The following SLCO4C1 variants were observed in gnomAD, a reference collection of about 807,000 sequenced individuals.
SLCO4C1 encodes organic anion transporter M1.
A neutral mutation model predicts 72.1 loss-of-function variants in SLCO4C1; 58 were observed. That is an observed-to-expected ratio of 0.80 (90% confidence interval 0.65 to 1.00). The LOEUF (loss-of-function observed/expected upper bound fraction) is 1.00. Ranked by LOEUF, SLCO4C1 falls within the 50% of genes least tolerant of loss-of-function variation. The pLI is 0.00. For synonymous variants in SLCO4C1, 297 were observed against 312.5 expected, an observed-to-expected ratio of 0.95 and a Z score of 0.52; for missense variants, 898 against 857.9, an observed-to-expected ratio of 1.05 and a Z score of -0.58.
chr5:102,244,269 T>C (rs1237340500), intron 10 of SLCO4C1, among the ~76,000 whole-genome samples: 1 of 152,174 alleles, frequency 6.6e-6, no homozygotes, highest in African/African-American at 2.4e-5. Flanking sequence ...AGTCCTTTAG[T>C]AGCAGAACTG....
rs149093798 is a variant in SLCO4C1, at chr5:102,286,856, T to G, written c.619+4487A>C. 2.5e-4 allele frequency among the ~76,000 whole-genome samples: 38 copies of G among 152,266 alleles called. No individual in the cohort carries two copies. In the East Asian group the frequency reaches 4.4e-3, roughly 18 times the overall value. ...TTCTTAACTTTTGTTCTTAACGTTCTTTTGTGTTATTCTCACACCTGTAGA... is the reference window on the plus strand; with the variant it reads ...TTCTTAACTTTTGTTCTTAACGTTCGTTTGTGTTATTCTCACACCTGTAGA... On this transcript the variant is annotated intron_variant, in intron 2 of 12. Coordinates refer to ENST00000310954, the MANE Select transcript of SLCO4C1 (RefSeq NM_180991.5).
At chr5:102,251,214 C>T (rs1580244228) in intron 8 of SLCO4C1, among the ~76,000 whole-genome samples, 1 of 151,952 alleles carries the variant, frequency 6.6e-6, no homozygotes, top group African/African-American at 2.4e-5. Flanking sequence ...AAAAGGTAAT[C>T]GTTAAGGTAT....
chr5:102,283,332 T>C (rs1442684561), intron 2 of SLCO4C1, among the ~76,000 whole-genome samples: 1 of 152,048 alleles, frequency 6.6e-6, no homozygotes, highest in Non-Finnish European at 1.5e-5. Flanking sequence ...CAAAGAAACT[T>C]ATCTCCAGGA....
Position 102,233,992 on chromosome 5 carries a change from A to G in SLCO4C1, c.*2866T>C, listed in dbSNP as rs889560335. 3 of 152,164 alleles carry G rather than the reference A, an allele frequency of 2.0e-5. No individual in the cohort carries two copies. Among genetic ancestry groups the G allele is most frequent in the Non-Finnish European group, 1.5e-5 (1 of 67,972 alleles). The allele number at this position is 152,164 out of a possible 1,614,324, so 9.4% of individuals were successfully genotyped here. The stretch of plus-strand genomic sequence containing the variant: ...ATAAGCTCAAACACGACAATTTTGT[A>G]TAAACATTCTGATTTAATAAATGGT... On this transcript the variant is annotated 3_prime_UTR_variant, in exon 13 of 13. Transcript: ENST00000310954.
At position 102,295,953 on chromosome 5, in the gene SLCO4C1, G is replaced by C. The variant is rs199917334; in HGVS notation, c.310C>G (p.Pro104Ala). The change falls in exon 1 of 13, where the codon CCT (proline) becomes GCT (alanine). Residue 104 changes from proline (P) to alanine (A), a missense_variant. Pro to Ala is a conservative substitution (Grantham distance 27, BLOSUM62 -1). Coordinates refer to ENST00000310954, the MANE Select transcript of SLCO4C1 (RefSeq NM_180991.5). Reference protein sequence around the residue: ...HPQCLQRCNTPGGFLLHYCLL... With the variant: ...HPQCLQRCNTAGGFLLHYCLL... ...CAGTAGTGAAGCAGAAAGCCTCCAG[G>C]TGTGTTGCAGCGCTGGAGACATTGA... The C allele has an allele frequency of 6.2e-7, 1 of 1,614,262 alleles. No homozygotes were observed. Among genetic ancestry groups the C allele is most frequent in the East Asian group, 2.2e-5 (1 of 44,882 alleles).
chr5:102,268,425 C>A (rs1749085971), intron 3 of SLCO4C1, among the ~76,000 whole-genome samples: 1 of 152,032 alleles, frequency 6.6e-6, no homozygotes, highest in Admixed American at 6.6e-5. Flanking sequence ...TACTGCCACA[C>A]CCTTTTGGTT....
intron 3 of SLCO4C1, among the ~76,000 whole-genome samples, chr5:102,269,070 AC>A (rs1749100996): frequency 6.6e-6 from 1 of 151,824 alleles, no homozygotes; most frequent in Non-Finnish European, 1.5e-5. Flanking sequence ...ATGTGACTTG[AC>A]GCTCTTCTTT....
intron 2 of SLCO4C1, among the ~76,000 whole-genome samples, chr5:102,282,369 A>G (rs1019533724): frequency 1.3e-5 from 2 of 151,986 alleles, no homozygotes; most frequent in African/African-American, 4.8e-5. Context: ...AAACAGTACG[A>G]CAATTCCGAA....
At chr5:102,272,738 T>C (rs1344027721) in intron 2 of SLCO4C1, among the ~76,000 whole-genome samples, 2 of 151,444 alleles carry the variant, frequency 1.3e-5, no homozygotes, top group Admixed American at 1.3e-4. Flanking sequence ...GGTGGATCAC[T>C]TGAGGTCAGG....
At chr5:102,244,110 T>G (rs776649567) in intron 10 of SLCO4C1, among the ~76,000 whole-genome samples, 2 of 151,942 alleles carry the variant, frequency 1.3e-5, no homozygotes, top group African/African-American at 4.8e-5. Flanking sequence ...TCACTTGAAC[T>G]TGGGAGGCAG....
intron 3 of SLCO4C1, among the ~76,000 whole-genome samples, 164 bp from the exon 4 acceptor site, chr5:102,263,944 T>G (rs1252889296): frequency 6.6e-6 from 1 of 152,088 alleles, no homozygotes; most frequent in Non-Finnish European, 1.5e-5. Context: ...GATAGTCAAG[T>G]CAAAAATCCT....
chr5:102,239,128 G>T, intron 12 of SLCO4C1, 123 bp downstream of exon 12: 2 of 806,364 alleles, frequency 2.5e-6, no homozygotes, highest in Non-Finnish European at 3.7e-6. Flanking sequence ...GAAGACTACT[G>T]GATGGTTCAA....
intron 8 of SLCO4C1, among the ~76,000 whole-genome samples, chr5:102,256,654 A>G (rs985599763): frequency 6.6e-6 from 1 of 152,254 alleles, no homozygotes; most frequent in African/African-American, 2.4e-5. Flanking sequence ...TAAACTTCTA[A>G]GTAGATACAA....
At chr5:102,240,898 G>A (rs984900169) in intron 10 of SLCO4C1, 116 bp from the exon 11 acceptor site, 10 of 615,854 alleles carry the variant, frequency 1.6e-5, no homozygotes, top group African/African-American at 9.5e-5. Context: ...TGTTGTAAAC[G>A]CAAAATAATG....
chr5:102,274,911 G>A (rs1019218999), intron 2 of SLCO4C1, among the ~76,000 whole-genome samples: 1 of 152,086 alleles, frequency 6.6e-6, no homozygotes, highest in Middle Eastern at 3.4e-3. Flanking sequence ...CTGGCCTGGG[G>A]AATTTAGCTC....
chr5:102,267,911 T>G (rs572211846), intron 3 of SLCO4C1, among the ~76,000 whole-genome samples: 4 of 152,196 alleles, frequency 2.6e-5, no homozygotes, highest in African/African-American at 9.6e-5. Flanking sequence ...CAGAAGTTCC[T>G]CATTATTGAT....
At position 102,247,282 on chromosome 5, in the gene SLCO4C1, G is replaced by A; in HGVS notation, c.1781C>T (p.Ala594Val). Residue 594 changes from alanine to valine, a missense_variant, in exon 10 of 13, where the codon GCC becomes GTC. By Grantham distance (64) the Ala-to-Val change is moderately conservative. Transcript: ENST00000310954. ...FFIVIIFTFM[A>V]GTPITVSILR... ...GATAGACACAGTTATAGGAGTACCG[G>A]CCATAAAGGTAAAAATAATTACAAT... is the stretch of plus-strand genomic sequence containing the variant. 1 of 1,574,162 alleles carries A rather than the reference G, an allele frequency of 6.4e-7. No homozygotes were observed. Among genetic ancestry groups the A allele is most frequent in the Non-Finnish European group, 8.7e-7 (1 of 1,152,322 alleles).
chr5:102,289,393 T>C (rs1290116879), intron 2 of SLCO4C1, among the ~76,000 whole-genome samples: 2 of 152,214 alleles, frequency 1.3e-5, no homozygotes, highest in Admixed American at 6.5e-5. Context: ...TCAGGCTTTG[T>C]ACTGGAAGAA....
intron 2 of SLCO4C1, among the ~76,000 whole-genome samples, chr5:102,284,414 A>C (rs1206486348): frequency 6.6e-6 from 1 of 152,194 alleles, no homozygotes; most frequent in Non-Finnish European, 1.5e-5. Context: ...TCAAATTCAC[A>C]TAGTTAAACC....
Sources: gnomAD v4.1 joint callset for allele counts (sites outside exome capture counted in the v4.1 genomes callset) on GRCh38, gnomAD v4.1.1 for gene constraint, MANE v1.5 for transcripts, NCBI Gene and HGNC (gene_info 2026-07-23, HGNC 2026-07-21) for gene names.